Variants in CTDSPL2 observed in about 807,000 individuals in gnomAD.
CTDSPL2 encodes CTD small phosphatase like 2, also known as CTD small phosphatase-like protein 2.
CTDSPL2 carries 5 observed loss-of-function variants against 60.0 expected under a neutral mutation model. The observed-to-expected ratio is 0.08, with a 90% CI of 0.04 to 0.18. The LOEUF (loss-of-function observed/expected upper bound fraction) is 0.18. CTDSPL2 is among the 10% of genes least tolerant of loss of function. CTDSPL2 has a pLI of 1.00. For synonymous variants in CTDSPL2, 186 were observed against 189.3 expected (o/e 0.98, Z 0.14); for missense variants, 370 against 548.8 (o/e 0.67, Z 3.26).
At chr15:44,486,822 C>T (rs980222330) in intron 4 of CTDSPL2, 122 bp downstream of exon 4, 8 of 647,682 alleles carry the variant, frequency 1.2e-5, no homozygotes, top group Admixed American at 3.8e-5. Context: ...AGTGCAGTGA[C>T]GCGATCTCCC....
chr15:44,462,248 G>A (rs1331684275), intron 2 of CTDSPL2, among the ~76,000 whole-genome samples: 1 of 152,130 alleles, frequency 6.6e-6, no homozygotes, highest in Non-Finnish European at 1.5e-5. Context: ...CTGTTAATGT[G>A]GTTTTGTGTT....
Position 44,524,138 on chromosome 15 carries a change from C to G in CTDSPL2, c.1365C>G (p.Asp455Glu), listed in dbSNP as rs1019827626. The G allele has an allele frequency of 6.2e-7, 1 of 1,613,946 alleles. No individual in the cohort carries two copies. The highest frequency in any genetic ancestry group is 8.5e-7 in the Non-Finnish European group (1 of 1,179,966). ...LNEDVRPHIR[D>E]RFRLHDLLPP... The stretch of plus-strand genomic sequence containing the variant: ...AAGATGTTCGACCACACATCAGAGA[C>G]AGATTTCGCTTGCATGATTTGCTGC... Residue 455 changes from aspartate to glutamate, a missense_variant, in exon 13 of 13, where the codon GAC becomes GAG. Transcript: ENST00000260327.
At chr15:44,471,153 C>T (rs962771755) in intron 2 of CTDSPL2, among the ~76,000 whole-genome samples, 10 of 152,218 alleles carry the variant, frequency 6.6e-5, no homozygotes, top group East Asian at 3.9e-4. Flanking sequence ...TGGTTTCTTC[C>T]GCGTTACCAC....
chr15:44,451,969 C>T (rs910685635), intron 1 of CTDSPL2, among the ~76,000 whole-genome samples: 1 of 152,152 alleles, frequency 6.6e-6, no homozygotes, highest in Non-Finnish European at 1.5e-5. Context: ...AATTTTTAAA[C>T]TAGTAAATTC....
intron 1 of CTDSPL2, among the ~76,000 whole-genome samples, chr15:44,454,984 A>G (rs553945500): frequency 2.6e-5 from 4 of 152,262 alleles, no homozygotes; most frequent in East Asian, 1.9e-4. Context: ...GTAGCTTGAT[A>G]GGGATGGCAT....
At chr15:44,459,350 A>T (rs528186449) in intron 2 of CTDSPL2, 150 bp downstream of exon 2, 6 of 460,148 alleles carry the variant, frequency 1.3e-5, no homozygotes, top group Non-Finnish European at 2.2e-5. Flanking sequence ...ACACGGTGAA[A>T]CCCCGTCTCT....
At chr15:44,453,568 T>TCCCCCCTCCCCCCCCCCCC (rs1234170680) in intron 1 of CTDSPL2, among the ~76,000 whole-genome samples, 1 of 141,218 alleles carries the variant, frequency 7.1e-6, no homozygotes, top group African/African-American at 2.6e-5. Flanking sequence ...ATGCTATCCC[T>TCCCCCCTCCCCCCCCCCCC]CCCCCATCCC....
At chr15:44,492,959 A>AT (rs1175076598) in intron 5 of CTDSPL2, among the ~76,000 whole-genome samples, 1 of 151,892 alleles carries the variant, frequency 6.6e-6, no homozygotes, top group African/African-American at 2.4e-5. Flanking sequence ...CTTTTTATTT[A>AT]TTTTTTCTGA....
intron 4 of CTDSPL2, among the ~76,000 whole-genome samples, chr15:44,487,649 A>G (rs925400810): frequency 6.6e-6 from 1 of 152,196 alleles, no homozygotes; most frequent in African/African-American, 2.4e-5. Flanking sequence ...AGCTGTTTGT[A>G]GTTTGTAATT....
rs2080264878 is a variant in CTDSPL2 at position 44,448,430 on chromosome 15, A to G, written c.-24-10561A>G. On this transcript the variant is annotated intron_variant, in intron 1 of 12. Coordinates refer to ENST00000260327, the MANE Select transcript of CTDSPL2 (RefSeq NM_016396.3). Reference sequence around the variant, plus strand: ...CCATGGCCCAGGCCTGGACTCATGCATTCCATGCTGGCACCCCCAGTGTAG... The same window carrying G: ...CCATGGCCCAGGCCTGGACTCATGCGTTCCATGCTGGCACCCCCAGTGTAG... 24 of 241,164 alleles carry G rather than the reference A, an allele frequency of 1.0e-4. No homozygotes were observed. In the South Asian group the frequency reaches 1.3e-3, roughly 13 times the overall value. 14.9% of individuals were successfully genotyped at this position (241,164 alleles called of 1,614,324 possible).
chr15:44,453,830 G>A (rs1191150796), intron 1 of CTDSPL2, among the ~76,000 whole-genome samples: 1 of 151,984 alleles, frequency 6.6e-6, no homozygotes, highest in Non-Finnish European at 1.5e-5. Flanking sequence ...TATCATTGAT[G>A]GACATTTGGG....
At chr15:44,478,809 C>G (rs1221935558) in intron 2 of CTDSPL2, among the ~76,000 whole-genome samples, 1 of 152,004 alleles carries the variant, frequency 6.6e-6, no homozygotes, top group East Asian at 1.9e-4. Flanking sequence ...TGGTGAAACC[C>G]TGTCTCTACT....
At chr15:44,434,514 C>G (rs1366002643) in intron 1 of CTDSPL2, among the ~76,000 whole-genome samples, 4 of 152,342 alleles carry the variant, frequency 2.6e-5, no homozygotes, top group Admixed American at 2.0e-4. Flanking sequence ...CTGCCGCAGC[C>G]TCCCAAGTAG....
chr15:44,508,818 CTGAGGCAGAGAATTGCT>C (rs2081517228), intron 8 of CTDSPL2, among the ~76,000 whole-genome samples: 1 of 152,108 alleles, frequency 6.6e-6, no homozygotes, highest in Non-Finnish European at 1.5e-5. Flanking sequence ...ATTCGGGAGG[CTGAGGCAGAGAATTGCT>C]TGAACCCGGG....
intron 6 of CTDSPL2, 127 bp downstream of exon 6, chr15:44,496,585 A>G (rs2081304186): frequency 1.4e-6 from 1 of 699,082 alleles, no homozygotes; most frequent in Non-Finnish European, 2.4e-6. Context: ...GAAACTTTTA[A>G]TGGGGCTGGG....
intron 1 of CTDSPL2, among the ~76,000 whole-genome samples, chr15:44,452,481 TTGTGAATAAGGCTG>T (rs1332993857): frequency 1.3e-5 from 2 of 152,160 alleles, no homozygotes; most frequent in Admixed American, 1.3e-4. Flanking sequence ...AACAGCCTTA[TTGTGAATAAGGCTG>T]TCAGGAATAT....
At chr15:44,436,580 T>A (rs2079986390) in intron 1 of CTDSPL2, among the ~76,000 whole-genome samples, 1 of 152,236 alleles carries the variant, frequency 6.6e-6, no homozygotes. Context: ...TTAAGCAGTG[T>A]CTCACAGCTA....
At chr15:44,522,707 T>G (rs762650913) in intron 12 of CTDSPL2, among the ~76,000 whole-genome samples, 146 of 151,986 alleles carry the variant, frequency 9.6e-4, no homozygotes, top group Non-Finnish European at 3.4e-4. Context: ...GAGCCGAGAT[T>G]GCACCACTGC....
chr15:44,439,543 T>TGG (rs760398511), intron 1 of CTDSPL2, among the ~76,000 whole-genome samples: 6 of 141,370 alleles, frequency 4.2e-5, no homozygotes, highest in Non-Finnish European at 9.4e-5. Flanking sequence ...ATGTTTTTTT[T>TGG]GGGGGGGGGG....
Sources: allele counts gnomAD v4.1 joint callset (sites outside exome capture counted in the v4.1 genomes callset), GRCh38; gene constraint gnomAD v4.1.1; transcripts MANE v1.5; gene names NCBI Gene and HGNC (gene_info 2026-07-23, HGNC 2026-07-21).